The following BSN variants were observed in gnomAD, a reference collection of about 807,000 sequenced individuals.
BSN encodes protein bassoon.
A neutral mutation model predicts 264.8 loss-of-function variants in BSN; 57 were observed. The observed-to-expected ratio is 0.22, with a 90% CI of 0.17 to 0.27. The LOEUF is 0.27. Among genes scored for constraint, BSN ranks in the 10% least tolerant of loss-of-function variants. The probability of loss-of-function intolerance (pLI) is 1.00; values close to 1 mark genes in which losing one functional copy is unlikely to be tolerated. For synonymous variants in BSN, 2,059 were observed against 2,137.3 expected, an observed-to-expected ratio of 0.96 and a Z score of 1.01; for missense variants, 4,615 against 5,232.5, an observed-to-expected ratio of 0.88 and a Z score of 3.64.
rs2052751760 is a variant in BSN, at chr3:49,671,107, A to T, written c.*3622A>T. The T allele has an allele frequency of 6.6e-6, 1 of 151,904 alleles. No individual in the cohort carries two copies. The highest frequency in any genetic ancestry group is 1.5e-5 in the Non-Finnish European group (1 of 67,996). The allele number at this position is 151,904 out of a possible 1,614,324, so 9.4% of individuals were successfully genotyped here. On this transcript the variant is annotated 3_prime_UTR_variant, in exon 12 of 12. Coordinates refer to ENST00000296452, the MANE Select transcript of BSN (RefSeq NM_003458.4). The surrounding 1 kb of genome is among the most constrained non-coding windows in gnomAD (Gnocchi z 4.1). ...ACTGGAGAGCCATGGCAGTCGTGAG[A>T]TATTGTATGTGTATGCACATGATCA...
At chr3:49,620,936 C>T (rs576955623) in intron 1 of BSN, among the ~76,000 whole-genome samples, 3 of 152,106 alleles carry the variant, frequency 2.0e-5, no homozygotes, top group Admixed American at 2.0e-4. Context: ...AGGAGACTCA[C>T]ACACACACAC....
chr3:49,605,296 A>AT (rs2108036382), intron 1 of BSN, among the ~76,000 whole-genome samples: 1 of 101,436 alleles, frequency 9.9e-6, no homozygotes, highest in South Asian at 2.5e-4. Context: ...TATATATTTT[A>AT]TATATTATAT....
chr3:49,592,006 T>G (rs925217766), intron 1 of BSN, among the ~76,000 whole-genome samples: 8 of 152,234 alleles, frequency 5.3e-5, no homozygotes, highest in African/African-American at 1.9e-4. Flanking sequence ...AACACATCTC[T>G]CATTCACAAT....
chr3:49,615,223 T>C (rs534209407), intron 1 of BSN, among the ~76,000 whole-genome samples: 1 of 152,322 alleles, frequency 6.6e-6, no homozygotes, highest in South Asian at 2.1e-4. Flanking sequence ...GCCAGACATT[T>C]CTGAGTGGAA....
At chr3:49,594,752 G>C (rs2052007899) in intron 1 of BSN, among the ~76,000 whole-genome samples, 2 of 152,150 alleles carry the variant, frequency 1.3e-5, no homozygotes, top group Middle Eastern at 3.2e-3. Flanking sequence ...TAAACTTACA[G>C]ATTAATTTGG....
chr3:49,628,254 T>TA (rs1420661216), intron 2 of BSN, among the ~76,000 whole-genome samples: 2 of 142,950 alleles, frequency 1.4e-5, no homozygotes, highest in Non-Finnish European at 3.1e-5. Context: ...ATCTGGAGTG[T>TA]GATTGAACAG....
At position 49,655,449 on chromosome 3, in the gene BSN, C is replaced by G. The variant is rs1021981712; in HGVS notation, c.5893C>G (p.Pro1965Ala). 6.4e-7 allele frequency: 1 copy of G among 1,573,726 alleles called. No individual in the cohort carries two copies. Among genetic ancestry groups the G allele is most frequent in the Non-Finnish European group, 8.6e-7 (1 of 1,159,030 alleles). Residue 1965 changes from proline (P) to alanine (A), a missense_variant, in exon 5 of 12, where the codon CCC becomes GCC. Pro to Ala is a conservative substitution (Grantham distance 27). Transcript: ENST00000296452. Reference protein sequence around the residue: ...YRAQGVVGPGPHEEQRPYPQG... With the variant: ...YRAQGVVGPGAHEEQRPYPQG... ...GGCACAGGGGGTGGTGGGGCCTGGG[C>G]CCCATGAGGAGCAGAGGCCCTACCC...
At chr3:49,599,861 T>C (rs1476331762) in intron 1 of BSN, among the ~76,000 whole-genome samples, 1 of 152,204 alleles carries the variant, frequency 6.6e-6, no homozygotes, top group African/African-American at 2.4e-5. Flanking sequence ...CTAGGAATTT[T>C]CCTGGGTGGG....
chr3:49,593,333 T>A (rs147623945), intron 1 of BSN, among the ~76,000 whole-genome samples: 2 of 152,334 alleles, frequency 1.3e-5, no homozygotes, highest in East Asian at 3.9e-4. Flanking sequence ...CCAGTGTTGG[T>A]CTATTACAAA....
rs376985751 is a variant in BSN at position 49,654,236 on chromosome 3, G to T, written c.4680G>T (p.Thr1560=). The T allele has an allele frequency of 9.9e-6, 16 of 1,613,232 alleles. No individual in the cohort carries two copies. The highest frequency in any genetic ancestry group is 1.3e-5 in the Non-Finnish European group (15 of 1,179,738). The change falls in exon 5 of 12, where the codon ACG becomes ACT. Residue 1560 remains threonine (T), a synonymous_variant. Coordinates refer to ENST00000296452, the MANE Select transcript of BSN (RefSeq NM_003458.4). This position sits in a 1 kb window ranked among gnomAD's most constrained non-coding sequence, Gnocchi z 4.1. ...AAGAGGCTCCCTTTATGGTCATCAC[G>T]CTGGCATCTGACGCCTCCAGCCAGA... ...SSQEAPFMVI[T]LASDASSQTR...
Position 49,625,102 on chromosome 3 carries a change from G to A in BSN, c.352G>A (p.Ala118Thr). ...SPRETRAQGPAGQEADGPRRT... is the reference protein window; with the variant it reads ...SPRETRAQGPTGQEADGPRRT... Reference sequence around the variant, plus strand: ...CCGAGAGACAAGGGCACAGGGACCAGCAGGCCAGGAGGCTGATGGTCCCCG... The same window carrying A: ...CCGAGAGACAAGGGCACAGGGACCAACAGGCCAGGAGGCTGATGGTCCCCG... Residue 118 changes from alanine to threonine, a missense_variant, in exon 2 of 12, where the codon GCA becomes ACA. Physicochemically the swap from Ala to Thr is moderately conservative, Grantham distance 58. This residue lies in a region of BSN where 1,197 missense variants were observed against 1,348.0 expected (regional missense o/e 0.89). Coordinates refer to ENST00000296452, the MANE Select transcript of BSN (RefSeq NM_003458.4). The surrounding 1 kb of genome is among the most constrained non-coding windows in gnomAD (Gnocchi z 4.4). 1 of 1,604,570 alleles carries A rather than the reference G, an allele frequency of 6.2e-7. No homozygotes were observed. Among genetic ancestry groups the A allele is most frequent in the Non-Finnish European group, 8.5e-7 (1 of 1,175,704 alleles).
intron 1 of BSN, among the ~76,000 whole-genome samples, chr3:49,613,303 C>CGAGCGA (rs1553662875): frequency 2.1e-5 from 1 of 47,330 alleles, no homozygotes; most frequent in Non-Finnish European, 4.0e-5. Flanking sequence ...ACACACAGAG[C>CGAGCGA]GAGAGAGAGA....
intron 1 of BSN, among the ~76,000 whole-genome samples, chr3:49,571,484 G>A (rs2051794852): frequency 6.6e-6 from 1 of 152,092 alleles, no homozygotes; most frequent in Non-Finnish European, 1.5e-5. Context: ...GGGGTGGGCA[G>A]CTTCAAGTAG....
intron 1 of BSN, among the ~76,000 whole-genome samples, chr3:49,587,003 G>A (rs1344106635): frequency 2.0e-5 from 3 of 151,970 alleles, no homozygotes; most frequent in Non-Finnish European, 4.4e-5. Context: ...TGGGTAGTAT[G>A]GACATTTAAA....
In BSN at chr3:49,653,647, G is replaced by T; in HGVS notation, c.4091G>T (p.Ser1364Ile). 6.2e-7 allele frequency: 1 copy of T among 1,613,780 alleles called. No individual in the cohort carries two copies. Among genetic ancestry groups the T allele is most frequent in the South Asian group, 1.1e-5 (1 of 91,070 alleles). ...LKLHSSPASP[S>I]SASKEIGMPF... Reference sequence around the variant, plus strand: ...CTGCACAGCTCTCCTGCCTCCCCCAGCTCAGCCTCCAAGGAGATAGGCATG... The same window carrying T: ...CTGCACAGCTCTCCTGCCTCCCCCATCTCAGCCTCCAAGGAGATAGGCATG... The change falls in exon 5 of 12, where the codon AGC becomes ATC. Residue 1364 changes from serine to isoleucine, a missense_variant. Coordinates refer to ENST00000296452, the MANE Select transcript of BSN (RefSeq NM_003458.4). This position sits in a 1 kb window ranked among gnomAD's most constrained non-coding sequence, Gnocchi z 6.3.
In BSN at chr3:49,660,980, C is replaced by G. The variant is rs373255318; in HGVS notation, c.9135C>G (p.Pro3045=). Residue 3045 remains proline, a synonymous_variant, in exon 6 of 12, where the codon CCC becomes CCG. Transcript: ENST00000296452. The surrounding 1 kb of genome is among the most constrained non-coding windows in gnomAD (Gnocchi z 7.1). ...FPATAAAPAT[P]SGPTAFQQPR... Reference sequence around the variant, plus strand: ...CCACTGCCGCTGCTCCTGCCACCCCCTCTGGTCCCACTGCCTTCCAGCAGC... The same window carrying G: ...CCACTGCCGCTGCTCCTGCCACCCCGTCTGGTCCCACTGCCTTCCAGCAGC... The G allele has an allele frequency of 2.6e-4, 427 of 1,611,722 alleles. No homozygotes were observed. Among genetic ancestry groups the G allele is most frequent in the Non-Finnish European group, 3.4e-4 (399 of 1,179,980 alleles).
In BSN at chr3:49,616,197, G is replaced by A. The variant is rs1032409581; in HGVS notation, c.225-8778G>A. Among the ~76,000 whole-genome samples, 12 of 152,298 alleles carry A rather than the reference G, an allele frequency of 7.9e-5. No homozygotes were observed. The East Asian group carries it at 2.1e-3, about 27-fold the overall frequency. On this transcript the variant is annotated intron_variant, in intron 1 of 11. Coordinates refer to ENST00000296452, the MANE Select transcript of BSN (RefSeq NM_003458.4). Reference sequence around the variant, plus strand: ...GATATGTTTTCTTGTGCAAAAACTGGAATTTTTTTCTAAGCCTAAACTTTC... The same window carrying A: ...GATATGTTTTCTTGTGCAAAAACTGAAATTTTTTTCTAAGCCTAAACTTTC...
rs926364711 is a variant in BSN, at chr3:49,624,267, C to T, written c.225-708C>T. On this transcript the variant is annotated intron_variant, in intron 1 of 11. Coordinates refer to ENST00000296452, the MANE Select transcript of BSN (RefSeq NM_003458.4). ...GTGCCCGCCTCGGCCTCCCAAAGTG[C>T]GGGGATTCCAGGCGTGAGCCAACGT... 7.4e-5 allele frequency among the ~76,000 whole-genome samples: 10 copies of T among 135,236 alleles called. No homozygotes were observed. The East Asian group carries it at 1.5e-3, about 20-fold the overall frequency. 88.7% of individuals were successfully genotyped at this position (135,236 alleles called of 152,430 possible).
At chr3:49,569,629 C>G (rs1402071290) in intron 1 of BSN, among the ~76,000 whole-genome samples, 2 of 152,196 alleles carry the variant, frequency 1.3e-5, no homozygotes, top group African/African-American at 2.4e-5. Flanking sequence ...GTCGTCCATC[C>G]TCATCTTCAC....
Sources: allele counts gnomAD v4.1 joint callset (sites outside exome capture counted in the v4.1 genomes callset), GRCh38; gene constraint gnomAD v4.1.1; regional missense constraint gnomAD v4.1.1; non-coding constraint Gnocchi (gnomAD v3.1); transcripts MANE v1.5; gene names NCBI Gene and HGNC (gene_info 2026-07-23, HGNC 2026-07-21).